SGCZ: variants seen among roughly 807,000 people sequenced by gnomAD.
SGCZ encodes zeta-sarcoglycan.
Under a neutral mutation model 41.3 loss-of-function variants are expected in SGCZ, and 40 were observed. The ratio of observed to expected loss-of-function variants is 0.97; its 90% confidence interval spans 0.75 to 1.26. The LOEUF (loss-of-function observed/expected upper bound fraction) is 1.26, where lower values mean the gene tolerates loss of function less well. Ranked by LOEUF, SGCZ falls within the 50% of genes most tolerant of loss-of-function variation. The pLI is 0.00. For synonymous variants in SGCZ, 206 were observed against 137.5 expected (o/e 1.50, Z -3.49); for missense variants, 552 against 369.8 (o/e 1.49, Z -4.04).
intron 1 of SGCZ, among the ~76,000 whole-genome samples, chr8:15,236,832 G>A (rs1456473940): frequency 4.6e-5 from 7 of 152,156 alleles, no homozygotes; most frequent in East Asian, 3.9e-4. Flanking sequence ...GCGGCGGGGG[G>A]CTCCAGGCTG....
At chr8:14,111,023 T>C (rs1410572478) in intron 5 of SGCZ, among the ~76,000 whole-genome samples, 2 of 151,994 alleles carry the variant, frequency 1.3e-5, no homozygotes, top group Non-Finnish European at 2.9e-5. Context: ...CACTGCATTC[T>C]AGCCTGGGCA....
At chr8:14,798,050 G>A (rs1016446208) in intron 1 of SGCZ, among the ~76,000 whole-genome samples, 1 of 152,238 alleles carries the variant, frequency 6.6e-6, no homozygotes, top group Non-Finnish European at 1.5e-5. Flanking sequence ...TGCTAGGGCA[G>A]TGCAGAAAGG....
chr8:14,756,742 A>G (rs1799682585), intron 1 of SGCZ, among the ~76,000 whole-genome samples: 1 of 152,202 alleles, frequency 6.6e-6, no homozygotes, highest in Non-Finnish European at 1.5e-5. Context: ...TATTAAACCT[A>G]TTGAAACAAA....
intron 1 of SGCZ, among the ~76,000 whole-genome samples, chr8:15,050,488 G>C (rs143931851): frequency 2.6e-5 from 4 of 152,292 alleles, no homozygotes; most frequent in South Asian, 2.1e-4. Flanking sequence ...GAGTTGCTTA[G>C]AGAAAGAAAA....
chr8:14,627,306 A>C (rs1426661613), intron 1 of SGCZ, among the ~76,000 whole-genome samples: 1 of 152,198 alleles, frequency 6.6e-6, no homozygotes, highest in African/African-American at 2.4e-5. Flanking sequence ...ATATATTAAC[A>C]CACAAATATG....
intron 1 of SGCZ, among the ~76,000 whole-genome samples, chr8:15,142,510 A>G (rs1437535239): frequency 2.0e-5 from 3 of 152,114 alleles, no homozygotes; most frequent in Non-Finnish European, 4.4e-5. Flanking sequence ...GAGTCTAGAA[A>G]CTGGCCCTCA....
intron 1 of SGCZ, among the ~76,000 whole-genome samples, chr8:15,029,981 C>T (rs1803599543): frequency 6.6e-6 from 1 of 152,060 alleles, no homozygotes; most frequent in Non-Finnish European, 1.5e-5. Context: ...AACAAAAGTC[C>T]CAAGTACCTA....
chr8:14,514,378 G>T (rs2117083118), intron 2 of SGCZ, among the ~76,000 whole-genome samples: 1 of 152,012 alleles, frequency 6.6e-6, no homozygotes, highest in Non-Finnish European at 1.5e-5. Context: ...TAATTTCCTT[G>T]ACTTTTAGTC....
At chr8:14,427,034 GAAT>G (rs1335321600) in intron 2 of SGCZ, among the ~76,000 whole-genome samples, 1 of 90,102 alleles carries the variant, frequency 1.1e-5, no homozygotes, top group African/African-American at 6.5e-5. Flanking sequence ...AACATTAAAT[GAAT>G]GAATGAATGA....
chr8:14,247,768 C>G (rs991724602), intron 3 of SGCZ, among the ~76,000 whole-genome samples: 1 of 152,184 alleles, frequency 6.6e-6, no homozygotes, highest in Non-Finnish European at 1.5e-5. Flanking sequence ...AGGGTTCCAA[C>G]CCTATCCACT....
chr8:14,729,190 G>T (rs1159444996), intron 1 of SGCZ, among the ~76,000 whole-genome samples: 3 of 152,160 alleles, frequency 2.0e-5, no homozygotes, highest in Non-Finnish European at 1.5e-5. Context: ...CTTCCAAGGT[G>T]TTATTTCTAA....
chr8:14,398,903 G>C (rs1442019842), intron 2 of SGCZ, among the ~76,000 whole-genome samples: 2 of 152,008 alleles, frequency 1.3e-5, no homozygotes, highest in African/African-American at 4.8e-5. Flanking sequence ...CTTTGGGCCT[G>C]ATAATTTAAA....
chr8:14,175,820 G>T (rs903195530), intron 4 of SGCZ, among the ~76,000 whole-genome samples: 1 of 151,890 alleles, frequency 6.6e-6, no homozygotes, highest in African/African-American at 2.4e-5. Context: ...TCCAATCATT[G>T]GTAGTTTATA....
intron 2 of SGCZ, among the ~76,000 whole-genome samples, chr8:14,475,554 G>C (rs1401417732): frequency 6.6e-6 from 1 of 152,236 alleles, no homozygotes; most frequent in Middle Eastern, 3.4e-3. Flanking sequence ...GCTCACAATA[G>C]AGCTAATATT....
At chr8:14,711,598 T>TAAAAAAA (rs200467876) in intron 1 of SGCZ, among the ~76,000 whole-genome samples, 1 of 80,294 alleles carries the variant, frequency 1.2e-5, no homozygotes, top group South Asian at 5.0e-4. Context: ...TGAGACTCTG[T>TAAAAAAA]AAAAAAAAAA....
At chr8:14,305,908 G>A (rs1297096840) in intron 3 of SGCZ, among the ~76,000 whole-genome samples, 2 of 152,172 alleles carry the variant, frequency 1.3e-5, no homozygotes, top group African/African-American at 2.4e-5. Flanking sequence ...CTGCCACCAC[G>A]TGTTCAAGCC....
At chr8:14,828,038 A>C (rs923697452) in intron 1 of SGCZ, among the ~76,000 whole-genome samples, 1 of 152,230 alleles carries the variant, frequency 6.6e-6, no homozygotes, top group Admixed American at 6.5e-5. Context: ...CAACTGAAAC[A>C]CTGAGAAGCT....
chr8:14,729,775 A>T lies in SGCZ; in HGVS notation c.40-174849T>A, dbSNP rs574969844. On this transcript the variant is annotated intron_variant, in intron 1 of 7. Transcript: ENST00000382080. ...GCAAAACAGTGCTACAAAACCTACC[A>T]TTCTGGTTAAAATATAGTGCCTTTT... Among the ~76,000 whole-genome samples, 7 of 152,304 alleles carry T rather than the reference A, an allele frequency of 4.6e-5. No homozygotes were observed. In the South Asian group the frequency reaches 1.4e-3, roughly 32 times the overall value.
At chr8:15,015,737 G>A (rs1421970136) in intron 1 of SGCZ, among the ~76,000 whole-genome samples, 11 of 121,126 alleles carry the variant, frequency 9.1e-5, no homozygotes, top group South Asian at 2.9e-4. Context: ...GTGTGTGTGT[G>A]TGTGTGTGTG....
Sources: allele counts gnomAD v4.1 joint callset (sites outside exome capture counted in the v4.1 genomes callset), GRCh38; gene constraint gnomAD v4.1.1; transcripts MANE v1.5; gene names NCBI Gene and HGNC (gene_info 2026-07-23, HGNC 2026-07-21).